TADA2A: variants seen among roughly 807,000 people sequenced by gnomAD.
The protein encoded by TADA2A is transcriptional adaptor 2A, also known as transcriptional adapter 2-alpha.
Under a neutral mutation model 67.4 loss-of-function variants are expected in TADA2A, and 38 were observed. The observed-to-expected ratio is 0.56, with a 90% CI of 0.44 to 0.74. The LOEUF (loss-of-function observed/expected upper bound fraction) is 0.74. Among genes scored for constraint, TADA2A ranks in the 30% least tolerant of loss-of-function variants. TADA2A has a pLI of 0.00. For synonymous variants in TADA2A, 192 were observed against 181.6 expected, an observed-to-expected ratio of 1.06 and a Z score of -0.46; for missense variants, 454 against 547.0, an observed-to-expected ratio of 0.83 and a Z score of 1.70.
At chr17:37,467,548 C>A (rs1310691445) in intron 12 of TADA2A, 23 bp downstream of exon 12, 3 of 1,591,940 alleles carry the variant, frequency 1.9e-6, no homozygotes, top group Admixed American at 1.7e-5. Context: ...CAGCTACATA[C>A]CGTACTTGAG....
rs542754471 is a variant in TADA2A at position 37,443,592 on chromosome 17, G to A, written c.531+940G>A. Among the ~76,000 whole-genome samples, 24 of 152,288 alleles carry A rather than the reference G, an allele frequency of 1.6e-4. No homozygotes were observed. In the South Asian group the frequency reaches 5.0e-3, roughly 32 times the overall value. ...TTATTGTACATCTAGGGGCTTTCAAGATTGTACTGTATCAGGGGTTGACAA... is the reference window on the plus strand; with the variant it reads ...TTATTGTACATCTAGGGGCTTTCAAAATTGTACTGTATCAGGGGTTGACAA... On this transcript the variant is annotated intron_variant, in intron 7 of 15. Transcript: ENST00000615182.
chr17:37,411,581 C>T (rs553855872), intron 2 of TADA2A, among the ~76,000 whole-genome samples, 191 bp downstream of exon 2: 1 of 152,200 alleles, frequency 6.6e-6, no homozygotes, highest in African/African-American at 2.4e-5. Flanking sequence ...CACCACCACA[C>T]ACAGCTAATT....
At position 37,419,501 on chromosome 17, in the gene TADA2A, T is replaced by A. The variant is rs1377544370; in HGVS notation, c.26-4008T>A. Among the ~76,000 whole-genome samples the A allele has an allele frequency of 2.7e-5, 4 of 146,416 alleles. No individual in the cohort carries two copies. In the Admixed American group the frequency reaches 2.8e-4, roughly 10 times the overall value. On this transcript the variant is annotated intron_variant, in intron 2 of 15. Coordinates refer to ENST00000615182, the MANE Select transcript of TADA2A (RefSeq NM_001166105.3). The stretch of plus-strand genomic sequence containing the variant: ...GTAATTGCTTCTTGACATAAGGATT[T>A]AAAAAATCACTTTGGGCCTGCAATC...
intron 5 of TADA2A, among the ~76,000 whole-genome samples, chr17:37,439,936 TTATTTATTA>T (rs1170228420): frequency 0.019 from 1,865 of 95,660 alleles, 27 homozygotes; most frequent in Middle Eastern, 0.047. Context: ...ATTTATTTAT[TTATTTATTA>T]TTTTTTTTTT....
chr17:37,450,116 T>A (rs2053192249), intron 8 of TADA2A, among the ~76,000 whole-genome samples: 1 of 152,174 alleles, frequency 6.6e-6, no homozygotes, highest in East Asian at 1.9e-4. Context: ...TTAAAAAAGT[T>A]TACGAATTTG....
At position 37,444,678 on chromosome 17, in the gene TADA2A, T is replaced by G; in HGVS notation, c.532-18T>G. The G allele has an allele frequency of 2.5e-6, 4 of 1,612,724 alleles. No individual in the cohort carries two copies. The highest frequency in any genetic ancestry group is 3.4e-6 in the Non-Finnish European group (4 of 1,178,998). On this transcript the variant is annotated intron_variant, in intron 7 of 15. Coordinates refer to ENST00000615182, the MANE Select transcript of TADA2A (RefSeq NM_001166105.3). The stretch of plus-strand genomic sequence containing the variant: ...GCCGATGGGTTTGGGGTGGGGATTT[T>G]TTTGTTCCCCTAAACAGGAATTTGA...
intron 2 of TADA2A, among the ~76,000 whole-genome samples, chr17:37,418,435 G>T (rs1014006278): frequency 6.6e-6 from 1 of 152,100 alleles, no homozygotes; most frequent in African/African-American, 2.4e-5. Flanking sequence ...GCTCCCTAGG[G>T]GGGAGTTGAG....
chr17:37,449,514 A>C (rs918238802), intron 8 of TADA2A, among the ~76,000 whole-genome samples: 5 of 152,190 alleles, frequency 3.3e-5, no homozygotes, highest in Non-Finnish European at 2.9e-5. Flanking sequence ...GAAGCATAGA[A>C]AGGTTAGATA....
At chr17:37,419,346 T>G (rs377588258) in intron 2 of TADA2A, among the ~76,000 whole-genome samples, 5 of 140,998 alleles carry the variant, frequency 3.5e-5, no homozygotes, top group Admixed American at 1.4e-4. Flanking sequence ...TTTTGTGGGG[T>G]TTTTTTTTGT....
rs758421601 is a variant in TADA2A, at chr17:37,458,635, TTTTGTG to T, written c.668+50_668+55del. On this transcript the variant is annotated intron_variant, in intron 9 of 15. Transcript: ENST00000615182. The stretch of plus-strand genomic sequence containing the variant: ...GCCTCCTTTCAGCTTTGGATTATTG[TTTTGTG>T]TGTGTGTGTGTGTGTGTGTGTGTGT... 26 of 1,353,850 alleles carry T rather than the reference TTTTGTG, an allele frequency of 1.9e-5. No individual in the cohort carries two copies. The South Asian group carries it at 2.7e-4, about 14-fold the overall frequency. The allele number at this position is 1,353,850 out of a possible 1,614,324, so 83.9% of individuals were successfully genotyped here. A position where few individuals can be genotyped will look rare whatever the true frequency, so the allele number is the denominator to read the frequency against.
At chr17:37,419,378 T>C (rs1201118774) in intron 2 of TADA2A, among the ~76,000 whole-genome samples, 1 of 145,204 alleles carries the variant, frequency 6.9e-6, no homozygotes, top group African/African-American at 2.5e-5. Flanking sequence ...TTCACCATGT[T>C]CCCCAGGCTG....
rs1279062579 is a variant in TADA2A at position 37,479,667 on chromosome 17, G to C, written c.*2685G>C. On this transcript the variant is annotated 3_prime_UTR_variant, in exon 16 of 16. Coordinates refer to ENST00000615182, the MANE Select transcript of TADA2A (RefSeq NM_001166105.3). ...AATTTAACGTTAAAAGTTTCTGCTG[G>C]AGTTTTATGCATATTTTTCTCTCTA... The C allele has an allele frequency of 6.6e-6, 1 of 152,106 alleles. No individual in the cohort carries two copies. The highest frequency in any genetic ancestry group is 1.5e-5 in the Non-Finnish European group (1 of 68,022). The allele number at this position is 152,106 out of a possible 1,614,324, so 9.4% of individuals were successfully genotyped here. A position where few individuals can be genotyped will look rare whatever the true frequency, so the allele number is the denominator to read the frequency against.
chr17:37,414,344 G>A (rs1307909109), intron 2 of TADA2A, among the ~76,000 whole-genome samples: 1 of 151,810 alleles, frequency 6.6e-6, no homozygotes, highest in East Asian at 1.9e-4. Context: ...CATCCTTATA[G>A]CGTACTCTCA....
intron 2 of TADA2A, among the ~76,000 whole-genome samples, chr17:37,412,043 C>T (rs911429279): frequency 1.3e-5 from 2 of 150,492 alleles, no homozygotes; most frequent in Non-Finnish European, 3.0e-5. Context: ...ATCCCGTCTC[C>T]AGTAAAAAAT....
At chr17:37,461,684 T>G (rs535457639) in intron 9 of TADA2A, 3 of 162,764 alleles carry the variant, frequency 1.8e-5, no homozygotes, top group South Asian at 3.7e-4. Context: ...ATGGTGCCCT[T>G]TAGCAGATTT....
chr17:37,467,511 T>G lies in TADA2A; in HGVS notation c.881T>G (p.Ile294Ser). The change falls in exon 12 of 16, where the codon ATT becomes AGT. Residue 294 changes from isoleucine (I) to serine (S), a missense_variant. Coordinates refer to ENST00000615182, the MANE Select transcript of TADA2A (RefSeq NM_001166105.3). ...KRLQEYRTAG[I>S]TNFCSARTYD... ...CTCCAAGAATACAGGACAGCAGGCA[T>G]TACCAATTTTTGTAGTAAGTATGCT... is the stretch of plus-strand genomic sequence containing the variant. 6.2e-7 allele frequency: 1 copy of G among 1,613,706 alleles called. No homozygotes were observed. Among genetic ancestry groups the G allele is most frequent in the Non-Finnish European group, 8.5e-7 (1 of 1,179,814 alleles).
intron 8 of TADA2A, among the ~76,000 whole-genome samples, chr17:37,456,330 A>G (rs1211892335): frequency 6.6e-6 from 1 of 152,240 alleles, no homozygotes; most frequent in Non-Finnish European, 1.5e-5. Context: ...ACACCATTAC[A>G]TTGTGCTTTA....
intron 2 of TADA2A, among the ~76,000 whole-genome samples, chr17:37,419,119 T>C (rs185094375): frequency 1.4e-5 from 2 of 146,746 alleles, no homozygotes; most frequent in East Asian, 2.1e-4. Context: ...TGACATACTT[T>C]ACAGTTTTAT....
intron 9 of TADA2A, 50 bp downstream of exon 9, chr17:37,458,637 T>TTGTGTGTG (rs55935249): frequency 3.0e-5 from 29 of 981,454 alleles, no homozygotes; most frequent in African/African-American, 8.6e-5. Context: ...GATTATTGTT[T>TTGTGTGTG]TGTGTGTGTG....
Sources: gnomAD v4.1 joint callset for allele counts (sites outside exome capture counted in the v4.1 genomes callset) on GRCh38, gnomAD v4.1.1 for gene constraint, MANE v1.5 for transcripts, NCBI Gene and HGNC (gene_info 2026-07-23, HGNC 2026-07-21) for gene names.